The following EPB41L4A variants were observed in gnomAD, a reference collection of about 807,000 sequenced individuals.
EPB41L4A encodes erythrocyte membrane protein band 4.1 like 4A.
In EPB41L4A, 100 loss-of-function variants were observed where a neutral mutation model predicts 108.6. That is an observed-to-expected ratio of 0.92 (90% CI 0.78 to 1.09). The LOEUF is 1.09. EPB41L4A is among the 50% of genes least tolerant of loss of function. EPB41L4A has a pLI of 0.00. For synonymous variants in EPB41L4A, 319 were observed against 289.0 expected (o/e 1.10, Z -1.05); for missense variants, 1,030 against 842.7 (o/e 1.22, Z -2.75).
chr5:112,312,093 A>G (rs534820030), intron 1 of EPB41L4A, among the ~76,000 whole-genome samples: 2 of 152,346 alleles, frequency 1.3e-5, no homozygotes, highest in African/African-American at 4.8e-5. Context: ...TCCAGCAGAA[A>G]TGTTAGGGTT....
At chr5:112,402,544 A>C (rs1761834378) in intron 1 of EPB41L4A, among the ~76,000 whole-genome samples, 1 of 152,192 alleles carries the variant, frequency 6.6e-6, no homozygotes, top group Non-Finnish European at 1.5e-5. Flanking sequence ...TAAAATTGGA[A>C]TATACAGAGA....
chr5:112,143,199 T>G (rs185871719), exon 14 of EPB41L4A: 1 of 152,308 alleles, frequency 6.6e-6, no homozygotes, highest in East Asian at 1.9e-4. Flanking sequence ...AGACAAAGAC[T>G]TGTGAGTTAA....
chr5:112,171,105 G>T (rs1399001820), intron 18 of EPB41L4A, 113 bp from the exon 19 acceptor site: 1 of 876,994 alleles, frequency 1.1e-6, no homozygotes, highest in African/African-American at 1.7e-5. Context: ...GCTGAGAACA[G>T]ACAAGGAAAG....
At chr5:112,325,647 GGA>G (rs1268792139) in intron 1 of EPB41L4A, among the ~76,000 whole-genome samples, 1 of 152,150 alleles carries the variant, frequency 6.6e-6, no homozygotes, top group Non-Finnish European at 1.5e-5. Context: ...AAGGTAATGA[GGA>G]GGTCATTTCA....
intron 1 of EPB41L4A, among the ~76,000 whole-genome samples, chr5:112,349,851 G>C (rs558996755): frequency 2.0e-5 from 3 of 152,324 alleles, no homozygotes; most frequent in East Asian, 3.9e-4. Flanking sequence ...AAAGAGGAAT[G>C]ATGAGTTAAA....
rs1326137881 is a variant in EPB41L4A, at chr5:112,165,074, CTG to C, written c.1975_1976del (p.Gln659AspfsTer36). The C allele has an allele frequency of 2.5e-6, 4 of 1,612,880 alleles. No homozygotes were observed. In the African/African-American group the frequency reaches 5.4e-5, roughly 22 times the overall value. ...TTCCAGCCAGGTTGTTTGTAGATGT[CTG>C]AGGTTTTTCTTCCATCAGGCTATCT... ...SKDSLMEEKPQTSTNNLAGKH... is the reference protein window; with the variant it reads ...SKDSLMEEKPXTSTNNLAGKH... On this transcript the variant is annotated frameshift_variant, in exon 23 of 23. Coordinates refer to ENST00000261486, the MANE Select transcript of EPB41L4A (RefSeq NM_022140.5). LOFTEE classifies it high-confidence loss of function.
chr5:112,370,163 A>G (rs979415472), intron 1 of EPB41L4A, among the ~76,000 whole-genome samples: 1 of 151,596 alleles, frequency 6.6e-6, no homozygotes, highest in South Asian at 2.1e-4. Context: ...TAACTGGGAT[A>G]ACAGGTACAC....
intron 1 of EPB41L4A, among the ~76,000 whole-genome samples, chr5:112,322,467 G>T (rs1755845642): frequency 6.6e-6 from 1 of 152,152 alleles, no homozygotes; most frequent in Non-Finnish European, 1.5e-5. Context: ...GGACCCACCT[G>T]GGTAAACCAC....
chr5:112,235,170 C>A (rs539758596), intron 11 of EPB41L4A, among the ~76,000 whole-genome samples: 1 of 152,146 alleles, frequency 6.6e-6, no homozygotes, highest in Admixed American at 6.5e-5. Context: ...CCCACAAGAC[C>A]ACTCGGTATG....
chr5:112,258,949 C>T (rs1395162029), intron 9 of EPB41L4A, among the ~76,000 whole-genome samples: 1 of 152,178 alleles, frequency 6.6e-6, no homozygotes, highest in Non-Finnish European at 1.5e-5. Context: ...TACTGGAAAG[C>T]AAATTGCACT....
chr5:112,278,364 G>A (rs1189782075), intron 3 of EPB41L4A, among the ~76,000 whole-genome samples: 1 of 150,954 alleles, frequency 6.6e-6, no homozygotes, highest in Admixed American at 6.6e-5. Context: ...CATCCTCTCT[G>A]CCTCAGCCTC....
At chr5:112,231,657 C>A (rs1454516370) in intron 12 of EPB41L4A, among the ~76,000 whole-genome samples, 2 of 150,582 alleles carry the variant, frequency 1.3e-5, no homozygotes, top group East Asian at 2.0e-4. Flanking sequence ...CGGTGGCGGG[C>A]GCCTGTAGTC....
intron 1 of EPB41L4A, among the ~76,000 whole-genome samples, chr5:112,317,191 G>C (rs1383844239): frequency 6.6e-6 from 1 of 152,050 alleles, no homozygotes; most frequent in Non-Finnish European, 1.5e-5. Flanking sequence ...CTCTAAACTT[G>C]TTATATGCTT....
intron 1 of EPB41L4A, among the ~76,000 whole-genome samples, chr5:112,401,629 A>C (rs1344620572): frequency 6.6e-6 from 1 of 152,166 alleles, no homozygotes; most frequent in Non-Finnish European, 1.5e-5. Context: ...AATTATAGCT[A>C]TTTCCAAGTA....
Position 112,275,367 on chromosome 5 carries a change from G to T in EPB41L4A, c.294C>A (p.Phe98Leu), listed in dbSNP as rs1157667846. The T allele has an allele frequency of 6.4e-7, 1 of 1,555,464 alleles. No homozygotes were observed. Among genetic ancestry groups the T allele is most frequent in the Non-Finnish European group, 8.7e-7 (1 of 1,143,902 alleles). The part of the protein sequence containing the change: ...PPYTLYFGIK[F>L]YAEDPCKLKE... ...TAAGTTTACATGGATCTTCAGCATA[G>T]AATTTAATACCAAAATACAAAGTAT... The change falls in exon 4 of 23, where the codon TTC becomes TTA. Residue 98 changes from phenylalanine (F) to leucine (L), a missense_variant. Phe to Leu is a conservative substitution (Grantham distance 22). Coordinates refer to ENST00000261486, the MANE Select transcript of EPB41L4A (RefSeq NM_022140.5).
intron 13 of EPB41L4A, among the ~76,000 whole-genome samples, chr5:112,207,879 TAAA>T (rs1762545842): frequency 6.6e-6 from 1 of 152,182 alleles, no homozygotes; most frequent in African/African-American, 2.4e-5. Context: ...TCAAAGAACT[TAAA>T]ACAGAACCAC....
chr5:112,245,801 TGAAGGTG>T (rs1750168932), intron 9 of EPB41L4A, among the ~76,000 whole-genome samples: 1 of 151,982 alleles, frequency 6.6e-6, no homozygotes, highest in Non-Finnish European at 1.5e-5. Flanking sequence ...GCAGAATGGA[TGAAGGTG>T]GAATCACTGC....
intron 12 of EPB41L4A, among the ~76,000 whole-genome samples, chr5:112,224,724 T>C (rs1011043527): frequency 5.3e-5 from 8 of 152,130 alleles, no homozygotes; most frequent in Non-Finnish European, 2.9e-5. Context: ...AGAGGTAATT[T>C]AAACATCCCT....
intron 18 of EPB41L4A, among the ~76,000 whole-genome samples, chr5:112,175,875 C>T (rs1381836138): frequency 6.6e-6 from 1 of 152,070 alleles, no homozygotes; most frequent in Non-Finnish European, 1.5e-5. Context: ...AAGCAATCAT[C>T]CCTCCTCAGC....
Sources: gnomAD v4.1 joint callset for allele counts (sites outside exome capture counted in the v4.1 genomes callset) on GRCh38, gnomAD v4.1.1 for gene constraint, MANE v1.5 for transcripts, NCBI Gene and HGNC (gene_info 2026-07-23, HGNC 2026-07-21) for gene names.